The following BCAS4 variants were observed in gnomAD, a reference collection of about 807,000 sequenced individuals.
BCAS4 encodes breast carcinoma-amplified sequence 4.
BCAS4 carries 9 observed loss-of-function variants against 15.7 expected under a neutral mutation model. The ratio of observed to expected loss-of-function variants is 0.57; its 90% confidence interval spans 0.34 to 1.00. The LOEUF (loss-of-function observed/expected upper bound fraction) is 1.00. Among genes scored for constraint, BCAS4 ranks in the 50% least tolerant of loss-of-function variants. The pLI is 0.02. For synonymous variants in BCAS4, 101 were observed against 99.5 expected (o/e 1.02, Z -0.09); for missense variants, 225 against 239.1 (o/e 0.94, Z 0.39).
At chr20:50,876,001 A>G in intron 4 of BCAS4, 1 of 456,040 alleles carries the variant, frequency 2.2e-6, no homozygotes, top group Non-Finnish European at 4.4e-6. Context: ...TTCTAGGTGG[A>G]GTGCAGTGGC....
chr20:50,801,854 G>A (rs1457944667), intron 1 of BCAS4, among the ~76,000 whole-genome samples: 3 of 152,142 alleles, frequency 2.0e-5, no homozygotes, highest in Non-Finnish European at 2.9e-5. Flanking sequence ...AAGGACCGGA[G>A]GGCAAAGATC....
chr20:50,845,172 C>T (rs903482606), intron 4 of BCAS4, among the ~76,000 whole-genome samples: 10 of 152,104 alleles, frequency 6.6e-5, no homozygotes, highest in Non-Finnish European at 1.5e-4. Flanking sequence ...GGTTAAGTTG[C>T]TTGCCCACCC....
At chr20:50,843,786 C>T (rs992712487) in intron 4 of BCAS4, among the ~76,000 whole-genome samples, 15 of 152,226 alleles carry the variant, frequency 9.9e-5, no homozygotes, top group Admixed American at 9.8e-4. Flanking sequence ...GAACTGCATC[C>T]TTTGTCCTCT....
At chr20:50,823,070 T>C (rs1160030991) in intron 2 of BCAS4, among the ~76,000 whole-genome samples, 4 of 151,846 alleles carry the variant, frequency 2.6e-5, no homozygotes, top group Non-Finnish European at 5.9e-5. Context: ...CCAGGCGTGG[T>C]AGCTCACGCC....
chr20:50,833,555 G>A (rs893681704), intron 3 of BCAS4, among the ~76,000 whole-genome samples: 1 of 152,178 alleles, frequency 6.6e-6, no homozygotes, highest in Non-Finnish European at 1.5e-5. Context: ...GTTGCCAAAT[G>A]TCCCCTGGGG....
intron 4 of BCAS4, among the ~76,000 whole-genome samples, chr20:50,861,329 C>A (rs1289002235): frequency 6.6e-6 from 1 of 152,308 alleles, no homozygotes; most frequent in South Asian, 2.1e-4. Flanking sequence ...CTCGGGATCT[C>A]ATTCCCTTAT....
At chr20:50,869,617 C>A (rs548965187) in intron 4 of BCAS4, among the ~76,000 whole-genome samples, 1 of 152,244 alleles carries the variant, frequency 6.6e-6, no homozygotes, top group African/African-American at 2.4e-5. Flanking sequence ...GTCTGATGAC[C>A]TACTATTCAG....
At chr20:50,801,012 A>G (rs896105935) in intron 1 of BCAS4, among the ~76,000 whole-genome samples, 4 of 152,344 alleles carry the variant, frequency 2.6e-5, no homozygotes, top group Middle Eastern at 6.8e-3. Flanking sequence ...TGCAGAAGCT[A>G]AGAATGTTAC....
intron 4 of BCAS4, among the ~76,000 whole-genome samples, chr20:50,850,746 A>C (rs1291197270): frequency 1.3e-5 from 2 of 152,142 alleles, no homozygotes; most frequent in East Asian, 3.9e-4. Context: ...CATCTGGCCT[A>C]CCGTGCTCAC....
At chr20:50,822,414 C>G (rs2088227240) in intron 2 of BCAS4, among the ~76,000 whole-genome samples, 1 of 152,140 alleles carries the variant, frequency 6.6e-6, no homozygotes, top group Non-Finnish European at 1.5e-5. Flanking sequence ...TTGTAGCTGT[C>G]CTTAATCCAC....
intron 4 of BCAS4, among the ~76,000 whole-genome samples, chr20:50,868,781 G>A (rs1412787519): frequency 6.6e-6 from 1 of 152,188 alleles, no homozygotes; most frequent in African/African-American, 2.4e-5. Context: ...TTTACTCTCT[G>A]TGTGACCTGG....
At chr20:50,796,682 G>C (rs2087869284) in intron 1 of BCAS4, among the ~76,000 whole-genome samples, 1 of 149,834 alleles carries the variant, frequency 6.7e-6, no homozygotes, top group East Asian at 2.0e-4. Context: ...TTTCAGTAGA[G>C]ACGGGGTTTC....
intron 4 of BCAS4, among the ~76,000 whole-genome samples, chr20:50,861,218 C>T (rs1041228816): frequency 6.6e-6 from 1 of 152,170 alleles, no homozygotes; most frequent in African/African-American, 2.4e-5. Flanking sequence ...CAGATGCTGT[C>T]CTGGGCCAAG....
Position 50,876,499 on chromosome 20 carries a change from C to T in BCAS4, c.413C>T (p.Pro138Leu), listed in dbSNP as rs146507396. The change falls in exon 5 of 5, where the codon CCG (proline) becomes CTG (leucine). Residue 138 changes from proline to leucine, a missense_variant. Transcript: ENST00000371608. ...TTGTCATTCCAGAAGTCACCTGCAC[C>T]GGTGCCCGTGACGTACGAGCTGCCC... ...LPSFRNKSPA[P>L]VPVTYELPTL... is the part of the protein sequence containing the mutation. 350 of 1,613,532 alleles carry T rather than the reference C, an allele frequency of 2.2e-4. No individual in the cohort carries two copies. Among genetic ancestry groups the T allele is most frequent in the Non-Finnish European group, 2.3e-4 (272 of 1,179,788 alleles).
intron 4 of BCAS4, among the ~76,000 whole-genome samples, chr20:50,864,293 G>C (rs545142363): frequency 1.3e-5 from 2 of 152,276 alleles, no homozygotes; most frequent in Admixed American, 1.3e-4. Context: ...TCACGCCGGG[G>C]AGTGAGTTCC....
At chr20:50,880,100 G>A (rs1372747989), downstream of BCAS4, 2 of 152,342 alleles carry the variant, frequency 1.3e-5, no homozygotes, top group African/African-American at 4.8e-5. Flanking sequence ...TGGGAGAATG[G>A]AGGCTGCTCT....
At chr20:50,821,670 C>T (rs1319280111) in intron 2 of BCAS4, among the ~76,000 whole-genome samples, 3 of 152,216 alleles carry the variant, frequency 2.0e-5, no homozygotes, top group Non-Finnish European at 4.4e-5. Flanking sequence ...GATCAATTTA[C>T]AGGTCCGAGA....
intron 4 of BCAS4, among the ~76,000 whole-genome samples, chr20:50,847,793 A>G (rs76888764): frequency 4.6e-5 from 7 of 152,180 alleles, no homozygotes; most frequent in Admixed American, 2.6e-4. Context: ...CTGTAATCCC[A>G]GCACTTTGGG....
At chr20:50,841,559 G>A (rs998513139) in intron 3 of BCAS4, among the ~76,000 whole-genome samples, 13 of 152,112 alleles carry the variant, frequency 8.5e-5, no homozygotes, top group African/African-American at 3.1e-4. Flanking sequence ...AAAGCAAGAG[G>A]CCACCAGCGG....
Sources: allele counts gnomAD v4.1 joint callset (sites outside exome capture counted in the v4.1 genomes callset), GRCh38; gene constraint gnomAD v4.1.1; transcripts MANE v1.5; gene names NCBI Gene and HGNC (gene_info 2026-07-23, HGNC 2026-07-21).